The following GNB1L variants were observed in gnomAD, a reference collection of about 807,000 sequenced individuals.
The protein encoded by GNB1L is G protein subunit beta 1 like.
A neutral mutation model predicts 29.1 loss-of-function variants in GNB1L; 20 were observed. The observed-to-expected ratio is 0.69, with a 90% CI of 0.48 to 1.00. GNB1L has a LOEUF of 1.00. Ranked by LOEUF, GNB1L falls within the 50% of genes least tolerant of loss-of-function variation. The probability of loss-of-function intolerance (pLI) is 0.00; values close to 1 mark genes in which losing one functional copy is unlikely to be tolerated. For synonymous variants in GNB1L, 193 were observed against 206.5 expected (o/e 0.93, Z 0.56); for missense variants, 421 against 464.9 (o/e 0.91, Z 0.87).
intron 7 of GNB1L, among the ~76,000 whole-genome samples, chr22:19,797,400 A>C (rs1937319136): frequency 6.6e-6 from 1 of 152,184 alleles, no homozygotes; most frequent in South Asian, 2.1e-4. Flanking sequence ...ATTCAGGGAC[A>C]GACTGAGGAT....
At chr22:19,849,540 G>C (rs367815943) in intron 2 of GNB1L, 3 of 361,840 alleles carry the variant, frequency 8.3e-6, no homozygotes, top group African/African-American at 4.4e-5. Flanking sequence ...GGCTAATTTT[G>C]TATTTTTAGG....
At chr22:19,850,881 C>G in intron 2 of GNB1L, 1 of 1,328,190 alleles carries the variant, frequency 7.5e-7, no homozygotes, top group Non-Finnish European at 9.6e-7. Flanking sequence ...ACAAAACGAC[C>G]CCCTCGTGGG....
chr22:19,789,104 C>A, intron 7 of GNB1L, 144 bp from the exon 8 acceptor site: 1 of 866,834 alleles, frequency 1.2e-6, no homozygotes, highest in South Asian at 1.7e-5. Context: ...ACCCAGCTGA[C>A]CTCCCACTCT....
chr22:19,835,056 G>GA (rs1224661652), intron 2 of GNB1L, among the ~76,000 whole-genome samples: 2 of 152,158 alleles, frequency 1.3e-5, no homozygotes, highest in African/African-American at 2.4e-5. Flanking sequence ...CATCGATTCA[G>GA]AAAGAAGACA....
At chr22:19,791,105 C>A (rs1203338092) in intron 7 of GNB1L, among the ~76,000 whole-genome samples, 1 of 152,094 alleles carries the variant, frequency 6.6e-6, no homozygotes, top group African/African-American at 2.4e-5. Context: ...TGCTGGCATG[C>A]ACCTGTAGTC....
intron 2 of GNB1L, chr22:19,849,369 G>GTTT: frequency 1.0e-5 from 9 of 864,332 alleles, no homozygotes; most frequent in Non-Finnish European, 1.2e-5. Context: ...TTTGTTTTTT[G>GTTT]TTGTTTTTTT....
chr22:19,806,263 C>T (rs1937432895), intron 6 of GNB1L, among the ~76,000 whole-genome samples: 1 of 152,378 alleles, frequency 6.6e-6, no homozygotes, highest in Admixed American at 6.5e-5. Context: ...AAAGCGGGGG[C>T]CGTGCAGGCT....
intron 7 of GNB1L, chr22:19,792,533 T>C: frequency 1.9e-6 from 3 of 1,543,218 alleles, no homozygotes; most frequent in Non-Finnish European, 2.7e-6. Flanking sequence ...CTCCTGCAAT[T>C]AACCAGTTCA....
intron 7 of GNB1L, chr22:19,793,241 G>A (rs1937271523): frequency 3.4e-6 from 2 of 580,268 alleles, no homozygotes; most frequent in Non-Finnish European, 3.0e-6. Context: ...CAGAGAAATG[G>A]AAATTATAAA....
chr22:19,811,944 C>G (rs1197439291), intron 5 of GNB1L, among the ~76,000 whole-genome samples: 1 of 152,240 alleles, frequency 6.6e-6, no homozygotes, highest in Admixed American at 6.5e-5. Flanking sequence ...AGTCTCTCCC[C>G]TGCCGTTCCT....
chr22:19,788,634 T>A lies in GNB1L; in HGVS notation c.*75A>T. ...TGCTGGTCCTCAGAGGCCCTTGAGG[T>A]TTCAGGCCAAGGCTGGGGCCTGATG... On this transcript the variant is annotated 3_prime_UTR_variant, in exon 8 of 8. Coordinates refer to ENST00000329517, the MANE Select transcript of GNB1L (RefSeq NM_053004.3). 6.3e-7 allele frequency: 1 copy of A among 1,580,982 alleles called. No homozygotes were observed. The highest frequency in any genetic ancestry group is 1.1e-5 in the South Asian group (1 of 90,372).
At chr22:19,799,806 C>T (rs759072434) in intron 7 of GNB1L, among the ~76,000 whole-genome samples, 26 of 152,170 alleles carry the variant, frequency 1.7e-4, no homozygotes, top group Non-Finnish European at 2.9e-4. Context: ...AGCTCACCTC[C>T]GAAAGCGCCC....
chr22:19,841,966 C>T (rs1010275364), intron 2 of GNB1L, among the ~76,000 whole-genome samples: 2 of 152,236 alleles, frequency 1.3e-5, no homozygotes, highest in African/African-American at 2.4e-5. Flanking sequence ...CCAGCAAGAA[C>T]ATGAAGCCAA....
chr22:19,820,170 A>G (rs539721019), intron 4 of GNB1L, among the ~76,000 whole-genome samples: 1 of 152,040 alleles, frequency 6.6e-6, no homozygotes, highest in Non-Finnish European at 1.5e-5. Flanking sequence ...CCTCCTTGGG[A>G]CCACTGCCTG....
At chr22:19,850,087 C>A in intron 2 of GNB1L, 1 of 985,832 alleles carries the variant, frequency 1.0e-6, no homozygotes. Context: ...CAGCCCCACC[C>A]AGCTTCTTTG....
chr22:19,788,495 C>T lies in GNB1L; in HGVS notation c.*214G>A, dbSNP rs1406685332. The T allele has an allele frequency of 2.4e-5, 16 of 673,000 alleles. No individual in the cohort carries two copies. The highest frequency in any genetic ancestry group is 2.4e-4 in the Middle Eastern group (1 of 4,122). The allele number at this position is 673,000 out of a possible 1,614,324, so 41.7% of individuals were successfully genotyped here. ...GCCAACGTCTCCTGCAGGCCTCGGA[C>T]GGCCAGGGCTCTGGCTGGCCCCCAG... On this transcript the variant is annotated 3_prime_UTR_variant, in exon 8 of 8. Coordinates refer to ENST00000329517, the MANE Select transcript of GNB1L (RefSeq NM_053004.3).
At chr22:19,805,297 G>A (rs1445607728) in intron 6 of GNB1L, among the ~76,000 whole-genome samples, 1 of 152,228 alleles carries the variant, frequency 6.6e-6, no homozygotes, top group Non-Finnish European at 1.5e-5. Flanking sequence ...TGGTCACGTG[G>A]AGAGAGAGAA....
rs537759394 is a variant in GNB1L at position 19,835,028 on chromosome 22, A to G, written c.-20-13653T>C. On this transcript the variant is annotated intron_variant, in intron 2 of 7. Transcript: ENST00000329517. ...AGGAATATTATCACGGACAAGAAGA[A>G]GATACAATGATAAATGGCATCGATT... 7.9e-5 allele frequency among the ~76,000 whole-genome samples: 12 copies of G among 152,326 alleles called. No homozygotes were observed. The South Asian group carries it at 2.5e-3, about 32-fold the overall frequency.
rs192863207 is a variant in GNB1L at position 19,848,417 on chromosome 22, A to G, written c.-21+6026T>C. ...GAATGCCTCCTTCCCCCAGCAGGAA[A>G]GCAGCTTGGTCATCATCTGTCTGAA... On this transcript the variant is annotated intron_variant, in intron 2 of 7. Transcript: ENST00000329517. 1.7e-5 allele frequency: 17 copies of G among 985,524 alleles called. 1 individual carries two copies. Among genetic ancestry groups the G allele is most frequent in the East Asian group, 2.3e-4 (2 of 8,808 alleles). The allele number at this position is 985,524 out of a possible 1,614,324, so 61.0% of individuals were successfully genotyped here. A position where few individuals can be genotyped will look rare whatever the true frequency, so the allele number is the denominator to read the frequency against.
Sources: gnomAD v4.1 joint callset for allele counts (sites outside exome capture counted in the v4.1 genomes callset) on GRCh38, gnomAD v4.1.1 for gene constraint, MANE v1.5 for transcripts, NCBI Gene and HGNC (gene_info 2026-07-23, HGNC 2026-07-21) for gene names.